Variants in MCTP1 observed in about 807,000 individuals in gnomAD.
MCTP1 encodes multiple C2 and transmembrane domain containing 1, also known as multiple C2 and transmembrane domain-containing protein 1.
MCTP1 carries 69 observed loss-of-function variants against 120.6 expected under a neutral mutation model. The observed-to-expected ratio is 0.57, with a 90% CI of 0.47 to 0.70. MCTP1 has a LOEUF of 0.70. MCTP1 is among the 30% of genes least tolerant of loss of function. MCTP1 has a pLI of 0.00. For synonymous variants in MCTP1, 529 were observed against 493.1 expected, an observed-to-expected ratio of 1.07 and a Z score of -0.96; for missense variants, 1,203 against 1,248.8, an observed-to-expected ratio of 0.96 and a Z score of 0.55.
chr5:94,794,416 C>A (rs977122904), intron 18 of MCTP1, among the ~76,000 whole-genome samples: 5 of 152,198 alleles, frequency 3.3e-5, no homozygotes, highest in African/African-American at 4.8e-5. Context: ...AACAGATGAC[C>A]AGCACCAATT....
intron 17 of MCTP1, among the ~76,000 whole-genome samples, chr5:94,804,222 A>C (rs1183951153): frequency 6.6e-6 from 1 of 152,180 alleles, no homozygotes; most frequent in East Asian, 1.9e-4. Context: ...TACAGTTTCG[A>C]CTAGAAGCCC....
intron 6 of MCTP1, among the ~76,000 whole-genome samples, chr5:94,925,341 T>C (rs984513547): frequency 1.3e-5 from 2 of 152,072 alleles, no homozygotes; most frequent in Admixed American, 6.6e-5. Flanking sequence ...TAAAGCATAA[T>C]TGTAGATATT....
chr5:94,807,909 A>G (rs982546913), intron 17 of MCTP1, among the ~76,000 whole-genome samples: 2 of 152,214 alleles, frequency 1.3e-5, no homozygotes, highest in Non-Finnish European at 2.9e-5. Context: ...GTGTATATAC[A>G]AGTGTATACA....
At chr5:94,860,788 C>T (rs577047920) in intron 17 of MCTP1, among the ~76,000 whole-genome samples, 2 of 151,484 alleles carry the variant, frequency 1.3e-5, no homozygotes, top group African/African-American at 4.8e-5. Context: ...GTTTGTGGCC[C>T]TCTAAAGCTC....
rs534343697 is a variant in MCTP1, at chr5:94,947,494, AAT to A, written c.982-5069_982-5068del. On this transcript the variant is annotated intron_variant, in intron 3 of 22. Transcript: ENST00000515393. ...TATCTCATTTTTCTATTTCCCACAGAATATATGATAGTATATCCAATTTCAAA... is the reference window on the plus strand; with the variant it reads ...TATCTCATTTTTCTATTTCCCACAGAATATGATAGTATATCCAATTTCAAA... 8.1e-5 allele frequency among the ~76,000 whole-genome samples: 12 copies of A among 147,904 alleles called. 1 individual carries two copies. The South Asian group carries it at 1.3e-3, about 16-fold the overall frequency.
Position 94,992,413 on chromosome 5 carries a change from A to G in MCTP1, c.838+24954T>C, listed in dbSNP as rs574293430. Among the ~76,000 whole-genome samples the G allele has an allele frequency of 4.6e-5, 7 of 152,268 alleles. No individual in the cohort carries two copies. In the South Asian group the frequency reaches 1.5e-3, roughly 32 times the overall value. Reference sequence around the variant, plus strand: ...TCTTTAGAACAAGTGTAGGAGGCAGATGCTTTTGTTATCCCCATTTTGAAG... The same window carrying G: ...TCTTTAGAACAAGTGTAGGAGGCAGGTGCTTTTGTTATCCCCATTTTGAAG... On this transcript the variant is annotated intron_variant, in intron 2 of 22. Transcript: ENST00000515393.
rs536251453 is a variant in MCTP1, at chr5:95,055,492, A to G, written c.721-38008T>C. 3.3e-5 allele frequency among the ~76,000 whole-genome samples: 5 copies of G among 152,350 alleles called. No individual in the cohort carries two copies. The East Asian group carries it at 9.6e-4, about 29-fold the overall frequency. On this transcript the variant is annotated intron_variant, in intron 1 of 22. Transcript: ENST00000515393. Reference sequence around the variant, plus strand: ...CATTTAAAAAATATTAACTGATTTAATCTTTATAAACAGCTCTAGAAAGAG... The same window carrying G: ...CATTTAAAAAATATTAACTGATTTAGTCTTTATAAACAGCTCTAGAAAGAG...
chr5:94,988,452 A>C (rs2153610724), intron 2 of MCTP1, among the ~76,000 whole-genome samples: 1 of 152,324 alleles, frequency 6.6e-6, no homozygotes, highest in Non-Finnish European at 1.5e-5. Flanking sequence ...CTGCTACCTC[A>C]GGAATTAATG....
chr5:95,009,621 A>G (rs1383772276), intron 2 of MCTP1, among the ~76,000 whole-genome samples: 1 of 151,596 alleles, frequency 6.6e-6, no homozygotes, highest in Non-Finnish European at 1.5e-5. Flanking sequence ...TACATTATTT[A>G]TCTGAAATTT....
intron 19 of MCTP1, among the ~76,000 whole-genome samples, chr5:94,722,103 G>T (rs1761055415): frequency 6.6e-6 from 1 of 152,132 alleles, no homozygotes; most frequent in African/African-American, 2.4e-5. Context: ...GCAACAGAAA[G>T]TTAACTAGAT....
At chr5:94,740,609 A>C (rs534974173) in intron 19 of MCTP1, among the ~76,000 whole-genome samples, 61 of 152,334 alleles carry the variant, frequency 4.0e-4, no homozygotes, top group Non-Finnish European at 6.5e-4. Flanking sequence ...ATATGAATAG[A>C]GACATTATTC....
At chr5:95,208,419 C>CT (rs372207860) in intron 1 of MCTP1, among the ~76,000 whole-genome samples, 24 of 152,234 alleles carry the variant, frequency 1.6e-4, no homozygotes, top group African/African-American at 5.5e-4. Flanking sequence ...CTGTATTTAC[C>CT]ACTTCATCAA....
intron 19 of MCTP1, among the ~76,000 whole-genome samples, chr5:94,732,457 G>T (rs1763305169): frequency 6.6e-6 from 1 of 152,060 alleles, no homozygotes; most frequent in Non-Finnish European, 1.5e-5. Context: ...AAAGGTTTGT[G>T]TATTTCTTCT....
At chr5:95,000,495 A>G (rs1337917382) in intron 2 of MCTP1, among the ~76,000 whole-genome samples, 1 of 152,202 alleles carries the variant, frequency 6.6e-6, no homozygotes, top group Non-Finnish European at 1.5e-5. Flanking sequence ...GGTCAAAGAC[A>G]CTGCTATTGA....
intron 1 of MCTP1, among the ~76,000 whole-genome samples, chr5:95,021,087 T>C (rs1467387929): frequency 6.6e-6 from 1 of 152,078 alleles, no homozygotes; most frequent in Non-Finnish European, 1.5e-5. Context: ...CCAGACCATC[T>C]AGGTTCGAAT....
At chr5:94,816,365 ATCAAT>A (rs1784482733) in intron 17 of MCTP1, among the ~76,000 whole-genome samples, 1 of 152,198 alleles carries the variant, frequency 6.6e-6, no homozygotes, top group Non-Finnish European at 1.5e-5. Context: ...AAATTAAAAT[ATCAAT>A]TCAATTATAC....
intron 8 of MCTP1, among the ~76,000 whole-genome samples, chr5:94,914,980 G>C (rs899763793): frequency 1.4e-4 from 22 of 152,198 alleles, no homozygotes; most frequent in Non-Finnish European, 1.5e-4. Context: ...GCAGACTCTA[G>C]AGAATTGGGT....
rs1241697012 is a variant in MCTP1, at chr5:94,917,641, A to T, written c.1350+255T>A. On this transcript the variant is annotated intron_variant, in intron 8 of 22. Coordinates refer to ENST00000515393, the MANE Select transcript of MCTP1 (RefSeq NM_024717.7). ...AAAGAATATCAAGACACCAGGTAAC[A>T]ATACAGATTTCAAAGTCTGAAGCAA... 2.0e-5 allele frequency among the ~76,000 whole-genome samples: 3 copies of T among 152,232 alleles called. No individual in the cohort carries two copies. The East Asian group carries it at 5.8e-4, about 29-fold the overall frequency.
intron 1 of MCTP1, among the ~76,000 whole-genome samples, chr5:95,093,144 AAAAAGTCTGATT>A (rs1355641590): frequency 2.0e-5 from 3 of 152,370 alleles, no homozygotes; most frequent in South Asian, 4.1e-4. Context: ...TATGGGCAGT[AAAAAGTCTGATT>A]AGGCTATTTA....
Sources: gnomAD v4.1 joint callset for allele counts (sites outside exome capture counted in the v4.1 genomes callset) on GRCh38, gnomAD v4.1.1 for gene constraint, MANE v1.5 for transcripts, NCBI Gene and HGNC (gene_info 2026-07-23, HGNC 2026-07-21) for gene names.